Variants in CASK observed in about 807,000 individuals in gnomAD.
CASK encodes the protein calcium/calmodulin dependent serine protein kinase.
A neutral mutation model predicts 82.9 loss-of-function variants in CASK; 4 were observed. That is an observed-to-expected ratio of 0.05 (90% CI 0.02 to 0.11). The LOEUF is 0.11. CASK is among the 10% of genes least tolerant of loss of function. The pLI is 1.00. For synonymous variants in CASK, 259 were observed against 253.5 expected (o/e 1.02, Z -0.20); for missense variants, 358 against 720.9 (o/e 0.50, Z 5.76).
chrX:41,598,256 G>C (rs778311117), intron 12 of CASK, among the ~76,000 whole-genome samples: 1 of 111,941 alleles, frequency 8.9e-6, no homozygotes, highest in Non-Finnish European at 1.9e-5. Flanking sequence ...AAGATTGCAT[G>C]ATGGGCAACG....
chrX:41,746,462 T>C (rs773162009), intron 3 of CASK, among the ~76,000 whole-genome samples: 2 of 111,243 alleles, frequency 1.8e-5, no homozygotes, highest in Non-Finnish European at 3.8e-5. Context: ...CTTTTCATTC[T>C]ATAACAACTC....
At chrX:41,813,698 C>T (rs1569457226) in intron 2 of CASK, among the ~76,000 whole-genome samples, 2 of 111,229 alleles carry the variant, frequency 1.8e-5, no homozygotes, top group African/African-American at 3.3e-5. Context: ...ACTTCATGTC[C>T]AAAACACCAA....
chrX:41,817,829 G>A (rs1206015109), intron 2 of CASK, among the ~76,000 whole-genome samples: 2 of 111,068 alleles, frequency 1.8e-5, no homozygotes, highest in African/African-American at 3.3e-5. Flanking sequence ...CTTACAAAAC[G>A]TTGAAAAAAC....
intron 5 of CASK, among the ~76,000 whole-genome samples, chrX:41,701,974 C>A (rs1339591084): frequency 8.9e-6 from 1 of 112,373 alleles, no homozygotes; most frequent in Non-Finnish European, 1.9e-5. Context: ...TAGTTCTGTC[C>A]AAGCACAATG....
intron 2 of CASK, among the ~76,000 whole-genome samples, chrX:41,798,154 G>C (rs1032976074): frequency 9.0e-6 from 1 of 111,636 alleles, no homozygotes; most frequent in Non-Finnish European, 1.9e-5. Flanking sequence ...ATTGTCTTTG[G>C]TTAATTATTC....
chrX:41,841,155 A>G (rs1053876465), intron 2 of CASK, among the ~76,000 whole-genome samples: 1 of 112,108 alleles, frequency 8.9e-6, no homozygotes, highest in African/African-American at 3.2e-5. Context: ...TGTATTCCCA[A>G]TAGCAATTTA....
At chrX:41,885,576 T>C (rs1244864200) in intron 1 of CASK, among the ~76,000 whole-genome samples, 1 of 112,390 alleles carries the variant, frequency 8.9e-6, no homozygotes, top group Non-Finnish European at 1.9e-5. Context: ...TAAGTTACTA[T>C]GTGTAAATTA....
chrX:41,546,651 TC>T lies in CASK; in HGVS notation c.2040-3846del, dbSNP rs759613307. Among the ~76,000 whole-genome samples the T allele has an allele frequency of 1.0e-4, 11 of 109,568 alleles. No homozygotes were observed. The East Asian group carries it at 2.9e-3, about 29-fold the overall frequency. ...CCCAGCTAATTTTTGTATTTTTTTT[TC>T]CTTTTAGTAGAGACGGGGTTTTGCC... On this transcript the variant is annotated intron_variant, in intron 21 of 26. Coordinates refer to ENST00000378163, the MANE Select transcript of CASK (RefSeq NM_001367721.1).
chrX:41,889,585 A>C (rs1024536738), intron 1 of CASK, among the ~76,000 whole-genome samples: 1 of 111,790 alleles, frequency 8.9e-6, no homozygotes, highest in Non-Finnish European at 1.9e-5. Flanking sequence ...ACCTATCAAC[A>C]CCAAACAATA....
chrX:41,754,421 C>T (rs1022996799), intron 3 of CASK, among the ~76,000 whole-genome samples: 8 of 111,167 alleles, frequency 7.2e-5, no homozygotes, highest in Non-Finnish European at 1.5e-4. Flanking sequence ...AAGGGCTAAA[C>T]ATTTAAGAAC....
intron 11 of CASK, among the ~76,000 whole-genome samples, chrX:41,620,563 T>C (rs1467234122): frequency 4.5e-5 from 5 of 112,070 alleles, no homozygotes; most frequent in Non-Finnish European, 9.4e-5. Flanking sequence ...CTTACTAAGG[T>C]ATACTGTTTT....
intron 1 of CASK, among the ~76,000 whole-genome samples, chrX:41,856,368 A>G (rs951859420): frequency 2.7e-5 from 3 of 111,509 alleles, no homozygotes; most frequent in African/African-American, 9.8e-5. Flanking sequence ...AGACCTGGAA[A>G]AGCTGAACTG....
At chrX:41,713,412 C>T (rs1389052805) in intron 5 of CASK, among the ~76,000 whole-genome samples, 1 of 112,166 alleles carries the variant, frequency 8.9e-6, no homozygotes, top group Non-Finnish European at 1.9e-5. Flanking sequence ...CCTGTTTACC[C>T]TGAGAAGGGG....
chrX:41,578,395 T>C lies in CASK; in HGVS notation c.1448A>G (p.Glu483Gly). Residue 483 changes from glutamate (E) to glycine (G), a missense_variant, in exon 15 of 27, where the codon GAG (glutamate) becomes GGG (glycine). Around this residue, in one of 5 missense-constraint regions of CASK, gnomAD observed 110 missense variants for 218.8 expected, o/e 0.50. Coordinates refer to ENST00000378163, the MANE Select transcript of CASK (RefSeq NM_001367721.1). ...TACCAGCCGAACTCTGGTCACATTC[T>C]CCATATCCATGTCTCCGTTAGCACT... is the stretch of plus-strand genomic sequence containing the variant. ...PESANGDMDM[E>G]NVTRVRLVQF... 8.3e-7 allele frequency: 1 copy of C among 1,208,211 alleles called. No homozygotes were observed. The highest frequency in any genetic ancestry group is 1.1e-6 in the Non-Finnish European group (1 of 892,537).
intron 1 of CASK, among the ~76,000 whole-genome samples, chrX:41,921,540 G>A (rs1569483468): frequency 9.0e-6 from 1 of 111,372 alleles, no homozygotes; most frequent in African/African-American, 3.3e-5. Context: ...TTTGGACAGT[G>A]CTGTTCTAGA....
At chrX:41,868,481 G>T (rs1261105551) in intron 1 of CASK, among the ~76,000 whole-genome samples, 1 of 111,918 alleles carries the variant, frequency 8.9e-6, no homozygotes, top group Non-Finnish European at 1.9e-5. Context: ...CAACCTGGAC[G>T]TACAGACACT....
At chrX:41,598,010 A>G (rs1202198558) in intron 12 of CASK, among the ~76,000 whole-genome samples, 2 of 108,848 alleles carry the variant, frequency 1.8e-5, no homozygotes, top group Admixed American at 2.0e-4. Flanking sequence ...GTGGTGGCGC[A>G]CTCCTGTAAT....
rs1162518702 is a variant in CASK, at chrX:41,739,441, C to T, written c.372G>A (p.Gln124=). 1 of 1,166,222 alleles carries T rather than the reference C, an allele frequency of 8.6e-7. No homozygotes were observed. The highest frequency in any genetic ancestry group is 1.8e-5 in the African/African-American group (1 of 56,972). ...SEAVASHYMR[Q]ILEALRYCHD... is the part of the protein sequence containing the mutation. ...GGCAGTAGCGTAGAGCTTCCAGTAT[C>T]TGTCTCATATAATGGCTGTAAAAAA... Residue 124 remains glutamine, a synonymous_variant, in exon 5 of 27, where the codon CAG becomes CAA. Coordinates refer to ENST00000378163, the MANE Select transcript of CASK (RefSeq NM_001367721.1).
At chrX:41,772,642 T>C (rs959605723) in intron 3 of CASK, among the ~76,000 whole-genome samples, 3 of 111,497 alleles carry the variant, frequency 2.7e-5, no homozygotes, top group Admixed American at 9.6e-5. Context: ...ATTTAAGGAA[T>C]TGAACTAAGA....
Sources: gnomAD v4.1 joint callset for allele counts (sites outside exome capture counted in the v4.1 genomes callset) on GRCh38, gnomAD v4.1.1 for gene constraint, gnomAD v4.1.1 regional missense constraint, MANE v1.5 for transcripts, NCBI Gene and HGNC (gene_info 2026-07-23, HGNC 2026-07-21) for gene names.